CPNE5: variants seen among roughly 807,000 people sequenced by gnomAD.
CPNE5 encodes copine 5, also known as copine-5.
In CPNE5, 42 loss-of-function variants were observed where a neutral mutation model predicts 81.1. That is an observed-to-expected ratio of 0.52 (90% CI 0.40 to 0.67). The LOEUF (loss-of-function observed/expected upper bound fraction) is 0.67, where lower values mean the gene tolerates loss of function less well. Among genes scored for constraint, CPNE5 ranks in the 30% least tolerant of loss-of-function variants. CPNE5 has a pLI of 0.00. For synonymous variants in CPNE5, 313 were observed against 321.5 expected, an observed-to-expected ratio of 0.97 and a Z score of 0.28; for missense variants, 612 against 815.5, an observed-to-expected ratio of 0.75 and a Z score of 3.04.
At chr6:36,759,220 T>G (rs1045645108) in intron 12 of CPNE5, among the ~76,000 whole-genome samples, 1 of 152,242 alleles carries the variant, frequency 6.6e-6, no homozygotes, top group Non-Finnish European at 1.5e-5. Context: ...TTCCACTCTC[T>G]GATATAACTG....
intron 3 of CPNE5, among the ~76,000 whole-genome samples, chr6:36,815,295 G>C (rs757610464): frequency 1.3e-5 from 2 of 152,172 alleles, no homozygotes; most frequent in Non-Finnish European, 2.9e-5. Context: ...GGCAGTGTCT[G>C]GTCCCCCTTT....
chr6:36,792,816 C>T (rs189377480), intron 7 of CPNE5, among the ~76,000 whole-genome samples: 3 of 152,140 alleles, frequency 2.0e-5, no homozygotes, highest in Admixed American at 6.5e-5. Flanking sequence ...TAGATAGGAC[C>T]CCCTCCTTCA....
At chr6:36,768,522 G>A (rs763978479) in intron 10 of CPNE5, among the ~76,000 whole-genome samples, 53 of 152,196 alleles carry the variant, frequency 3.5e-4, no homozygotes, top group Non-Finnish European at 6.8e-4. Flanking sequence ...GTGAACCAGC[G>A]TGCCCAGCCA....
At chr6:36,827,122 C>A (rs765754334) in intron 1 of CPNE5, among the ~76,000 whole-genome samples, 3 of 152,156 alleles carry the variant, frequency 2.0e-5, no homozygotes, top group Non-Finnish European at 2.9e-5. Context: ...ACTCCCAGGG[C>A]TCCCTGCTGA....
intron 1 of CPNE5, among the ~76,000 whole-genome samples, chr6:36,837,902 G>A (rs1661860349): frequency 6.6e-6 from 1 of 152,080 alleles, no homozygotes; most frequent in Non-Finnish European, 1.5e-5. Context: ...CTGAGGAGGT[G>A]AGACTGGAGC....
intron 11 of CPNE5, among the ~76,000 whole-genome samples, chr6:36,763,329 G>A (rs888731367): frequency 6.6e-6 from 1 of 152,182 alleles, no homozygotes; most frequent in Non-Finnish European, 1.5e-5. Flanking sequence ...GTGGCCGGGC[G>A]CGGTGGCTCA....
At chr6:36,748,149 C>G (rs1485627334) in intron 15 of CPNE5, 72 bp downstream of exon 15, 1 of 1,386,082 alleles carries the variant, frequency 7.2e-7, no homozygotes, top group African/African-American at 1.4e-5. Context: ...ATGGTCCCAG[C>G]CAGGGCCAGA....
At chr6:36,839,542 G>T, upstream of CPNE5, 1 of 542,354 alleles carries the variant, frequency 1.8e-6, no homozygotes, top group Non-Finnish European at 3.2e-6. The surrounding 1 kb of genome is among the most constrained non-coding windows in gnomAD (Gnocchi z 7.3). Context: ...AGAGAGGGAA[G>T]AGGGCGGAGG....
chr6:36,823,029 A>G, intron 2 of CPNE5, 29 bp downstream of exon 2: 1 of 1,541,758 alleles, frequency 6.5e-7, no homozygotes, highest in South Asian at 1.3e-5. Context: ...CGCTATTGTT[A>G]CCGTTCTTAT....
intron 14 of CPNE5, among the ~76,000 whole-genome samples, 181 bp from the exon 15 acceptor site, chr6:36,748,448 CT>C (rs1252546171): frequency 6.6e-6 from 1 of 152,146 alleles, no homozygotes; most frequent in African/African-American, 2.4e-5. Flanking sequence ...CTATGCCCCC[CT>C]TACAGGATTA....
chr6:36,808,591 C>T (rs1471126457), intron 3 of CPNE5, among the ~76,000 whole-genome samples: 1 of 152,144 alleles, frequency 6.6e-6, no homozygotes, highest in Non-Finnish European at 1.5e-5. Flanking sequence ...TGCTTACGAT[C>T]TGCCTGAGAC....
At position 36,742,107 on chromosome 6, in the gene CPNE5, G is replaced by A; in HGVS notation, c.*161C>T. On this transcript the variant is annotated 3_prime_UTR_variant, in exon 21 of 21. Transcript: ENST00000244751. ...GGGTTTGGGCAATAAGTGAGGCCAA[G>A]AAATTGAGGAGGGGTCTTCAGAAGC... 1 of 580,640 alleles carries A rather than the reference G, an allele frequency of 1.7e-6. No individual in the cohort carries two copies. 36.0% of individuals were successfully genotyped at this position (580,640 alleles called of 1,614,324 possible). A position where few individuals can be genotyped will look rare whatever the true frequency, so the allele number is the denominator to read the frequency against.
At chr6:36,818,196 T>A (rs189890559) in intron 3 of CPNE5, among the ~76,000 whole-genome samples, 45 of 152,308 alleles carry the variant, frequency 3.0e-4, no homozygotes, top group Admixed American at 3.9e-4. Flanking sequence ...GTGCTTGGGC[T>A]CAAATTCCAT....
At chr6:36,779,847 G>C (rs976235866) in intron 8 of CPNE5, among the ~76,000 whole-genome samples, 1 of 152,152 alleles carries the variant, frequency 6.6e-6, no homozygotes, top group Non-Finnish European at 1.5e-5. Context: ...TCTGCAATTT[G>C]AAAACTCTGC....
chr6:36,748,398 A>G (rs1430314191), intron 14 of CPNE5, 131 bp from the exon 15 acceptor site: 1 of 767,764 alleles, frequency 1.3e-6, no homozygotes, highest in African/African-American at 1.7e-5. Flanking sequence ...GAAGTCATTC[A>G]TCTCTTTCTA....
intron 3 of CPNE5, among the ~76,000 whole-genome samples, chr6:36,810,684 A>C (rs1302791943): frequency 1.3e-5 from 2 of 152,184 alleles, no homozygotes; most frequent in Non-Finnish European, 1.5e-5. Flanking sequence ...TCTGTCACTG[A>C]AGGAGTCCAG....
intron 8 of CPNE5, among the ~76,000 whole-genome samples, chr6:36,787,528 G>A (rs987201245): frequency 1.3e-5 from 2 of 152,130 alleles, no homozygotes; most frequent in Admixed American, 6.5e-5. Flanking sequence ...ATAGTCAAGA[G>A]TGTGATAAAA....
intron 12 of CPNE5, among the ~76,000 whole-genome samples, chr6:36,758,195 T>A (rs749260621): frequency 6.6e-6 from 1 of 152,232 alleles, no homozygotes; most frequent in Non-Finnish European, 1.5e-5. Flanking sequence ...AGTACCTGCC[T>A]CCCGGAAAGG....
At chr6:36,792,683 C>G (rs575488828) in intron 7 of CPNE5, among the ~76,000 whole-genome samples, 10 of 152,190 alleles carry the variant, frequency 6.6e-5, no homozygotes, top group Non-Finnish European at 1.3e-4. Flanking sequence ...GTGCAGCTCC[C>G]CAGTGAAGTG....
Sources: allele counts gnomAD v4.1 joint callset (sites outside exome capture counted in the v4.1 genomes callset), GRCh38; gene constraint gnomAD v4.1.1; non-coding constraint Gnocchi (gnomAD v3.1); transcripts MANE v1.5; gene names NCBI Gene and HGNC (gene_info 2026-07-23, HGNC 2026-07-21).